The following NLRP7 variants were observed in gnomAD, a reference collection of about 807,000 sequenced individuals.
NLRP7 encodes the protein NACHT, LRR and PYD domains-containing protein 7.
Under a neutral mutation model 85.5 loss-of-function variants are expected in NLRP7, and 72 were observed. The ratio of observed to expected loss-of-function variants is 0.84; its 90% confidence interval spans 0.70 to 1.02. NLRP7 has a LOEUF of 1.02. Among genes scored for constraint, NLRP7 ranks in the 50% least tolerant of loss-of-function variants. NLRP7 has a pLI of 0.00. For missense variants in NLRP7, 1,243 were observed against 1,219.5 expected (o/e 1.02, Z -0.29); for synonymous variants, 550 against 505.2 (o/e 1.09, Z -1.19).
At chr19:54,947,179 G>C (rs906637349) in intron 1 of NLRP7, among the ~76,000 whole-genome samples, 1 of 152,040 alleles carries the variant, frequency 6.6e-6, no homozygotes, top group Non-Finnish European at 1.5e-5. Flanking sequence ...ACAAAAATTA[G>C]CTGGGCATGG....
chr19:54,955,943 G>C (rs7248796), intron 1 of NLRP7, among the ~76,000 whole-genome samples: 6,651 of 151,952 alleles, frequency 0.044, 135 homozygotes, highest in African/African-American at 0.082. Context: ...CTCCAGCCTG[G>C]ATGACAGAGC....
chr19:54,939,148 A>G, exon 4 of NLRP7: 1 of 1,614,238 alleles, frequency 6.2e-7, no homozygotes, highest in Non-Finnish European at 8.5e-7. Context: ...TATTTGCATG[A>G]AGATGTGCTT....
intron 1 of NLRP7, among the ~76,000 whole-genome samples, chr19:54,955,237 G>T (rs1234076220): frequency 2.0e-5 from 3 of 151,752 alleles, no homozygotes; most frequent in African/African-American, 7.3e-5. Context: ...GCTGAGGCAG[G>T]AGAATCACTT....
At position 54,926,686 on chromosome 19, in the gene NLRP7, C is replaced by A. The variant is rs150046524; in HGVS notation, c.2811-2814G>T. ...ATCCCAGCACTTTGGGAGGCCAAGG[C>A]GAGAAGATCACCTGAGGTCAGGAGC... On this transcript the variant is annotated intron_variant, in intron 9 of 9. Coordinates refer to ENST00000340844, the Ensembl canonical transcript of NLRP7. Among the ~76,000 whole-genome samples the A allele has an allele frequency of 9.4e-3, 1,433 of 152,048 alleles. 24 individuals carry two copies. The highest frequency in any genetic ancestry group is 0.032 in the African/African-American group (1,348 of 41,490).
At chr19:54,964,367 C>T (rs2070221717) in intron 1 of NLRP7, among the ~76,000 whole-genome samples, 1 of 150,506 alleles carries the variant, frequency 6.6e-6, no homozygotes. Flanking sequence ...CAGGTGCCCG[C>T]CACCACGCCC....
chr19:54,933,742 G>C lies in NLRP7; in HGVS notation c.2472-3C>G. On this transcript the variant is annotated splice_polypyrimidine_tract_variant and splice_region_variant and intron_variant, in intron 7 of 9. Transcript: ENST00000340844. ...CTGTAAGACGACAGTTTTCCAACCT[G>C]CAAAAATATGAAACAAATGGTAGAA... is the stretch of plus-strand genomic sequence containing the variant. The C allele has an allele frequency of 6.2e-7, 1 of 1,613,216 alleles. No homozygotes were observed.
chr19:54,936,244 G>A lies in NLRP7; in HGVS notation c.2300+17C>T, dbSNP rs17699561. 3.3e-4 allele frequency: 527 copies of A among 1,609,890 alleles called. No homozygotes were observed. The highest frequency in any genetic ancestry group is 3.9e-4 in the Non-Finnish European group (465 of 1,177,896). On this transcript the variant is annotated intron_variant, in intron 6 of 9. Coordinates refer to ENST00000340844, the Ensembl canonical transcript of NLRP7. Reference sequence around the variant, plus strand: ...TGGACTCCAGGTGCTGGGGAGAGCCGTGACCGTGAGACCCACCTCAGGTAC... The same window carrying A: ...TGGACTCCAGGTGCTGGGGAGAGCCATGACCGTGAGACCCACCTCAGGTAC...
upstream of NLRP7, among the ~76,000 whole-genome samples, chr19:54,951,927 T>C (rs892570814): frequency 1.3e-5 from 2 of 152,010 alleles, no homozygotes; most frequent in African/African-American, 4.8e-5. Context: ...ATTTTTTTTG[T>C]ATTTTTAGTA....
At chr19:54,954,574 G>C (rs1170000189) in intron 1 of NLRP7, among the ~76,000 whole-genome samples, 2 of 151,322 alleles carry the variant, frequency 1.3e-5, no homozygotes, top group Non-Finnish European at 2.9e-5. Flanking sequence ...GCCGGACGTG[G>C]TGGCTTACGC....
At chr19:54,953,283 C>T (rs1402651621) in intron 1 of NLRP7, 1 of 152,130 alleles carries the variant, frequency 6.6e-6, no homozygotes, top group Non-Finnish European at 1.5e-5. Context: ...CCGAGATCCC[C>T]AAGTGAGCAA....
chr19:54,951,780 T>C (rs2069677358), upstream of NLRP7, among the ~76,000 whole-genome samples: 1 of 151,414 alleles, frequency 6.6e-6, no homozygotes, highest in African/African-American at 2.4e-5. Context: ...AGACGGAGTC[T>C]CGCTCTGTCG....
At chr19:54,959,743 G>A (rs1315842320) in intron 1 of NLRP7, among the ~76,000 whole-genome samples, 5 of 151,806 alleles carry the variant, frequency 3.3e-5, no homozygotes, top group Non-Finnish European at 5.9e-5. Flanking sequence ...AAAAAAATTA[G>A]TGCTTGACCA....
At chr19:54,953,572 G>T (rs963143363) in intron 1 of NLRP7, among the ~76,000 whole-genome samples, 1 of 151,754 alleles carries the variant, frequency 6.6e-6, no homozygotes, top group African/African-American at 2.4e-5. Context: ...CTGTCTGCTT[G>T]TGGATTTCAT....
At chr19:54,962,858 C>T (rs1001253066) in intron 1 of NLRP7, among the ~76,000 whole-genome samples, 12 of 151,956 alleles carry the variant, frequency 7.9e-5, no homozygotes, top group African/African-American at 1.4e-4. Flanking sequence ...CTCGGCCTCC[C>T]AAAGTGCTGG....
At chr19:54,927,876 G>T in intron 9 of NLRP7, 101 bp from the exon 10 acceptor site, 1 of 996,460 alleles carries the variant, frequency 1.0e-6, no homozygotes, top group Non-Finnish European at 1.6e-6. Context: ...TGGATCACTT[G>T]AGGCCAGGTG....
At chr19:54,948,426 C>T (rs1303735387), upstream of NLRP7, among the ~76,000 whole-genome samples, 1 of 152,094 alleles carries the variant, frequency 6.6e-6, no homozygotes, top group African/African-American at 2.4e-5. Flanking sequence ...TGGGCTGCAC[C>T]TGTAATCCCA....
At chr19:54,938,511 C>T (rs1192236527) in intron 4 of NLRP7, among the ~76,000 whole-genome samples, 1 of 152,254 alleles carries the variant, frequency 6.6e-6, no homozygotes, top group South Asian at 2.1e-4. Context: ...ATCACTTGAG[C>T]CCAGGAGTTT....
At chr19:54,958,783 C>T (rs994501369) in intron 1 of NLRP7, among the ~76,000 whole-genome samples, 6 of 64,106 alleles carry the variant, frequency 9.4e-5, no homozygotes, top group African/African-American at 2.3e-4. Context: ...CTGGGAGCAT[C>T]GGCAAGCTAC....
intron 1 of NLRP7, among the ~76,000 whole-genome samples, chr19:54,959,305 A>AT (rs1435097621): frequency 1.0e-4 from 15 of 148,198 alleles, no homozygotes; most frequent in African/African-American, 2.7e-4. Flanking sequence ...TGCCCGGCTA[A>AT]TTTTTGTATT....
Sources: allele counts gnomAD v4.1 joint callset (sites outside exome capture counted in the v4.1 genomes callset), GRCh38; gene constraint gnomAD v4.1.1; transcripts MANE v1.5; gene names NCBI Gene and HGNC (gene_info 2026-07-23, HGNC 2026-07-21).